Variants in TWIST2 observed in about 807,000 individuals in gnomAD.
TWIST2 encodes the protein twist-related protein 2.
Under a neutral mutation model 11.6 loss-of-function variants are expected in TWIST2, and 1 was observed. That is an observed-to-expected ratio of 0.09 (90% CI 0.03 to 0.41). TWIST2 has a LOEUF of 0.41. TWIST2 is among the 10% of genes least tolerant of loss of function. TWIST2 has a pLI of 0.98. For synonymous variants in TWIST2, 87 were observed against 96.6 expected (o/e 0.90, Z 0.58); for missense variants, 168 against 226.4 (o/e 0.74, Z 1.66).
chr2:238,870,158 C>CCA (rs1463394087), intron 1 of TWIST2, among the ~76,000 whole-genome samples: 21 of 96,362 alleles, frequency 2.2e-4, no homozygotes, highest in Non-Finnish European at 4.6e-4. Flanking sequence ...ACACCACACC[C>CCA]CACACACACC....
chr2:238,906,475 GAC>G (rs1286401876), intron 1 of TWIST2, among the ~76,000 whole-genome samples: 1 of 151,488 alleles, frequency 6.6e-6, no homozygotes, highest in Non-Finnish European at 1.5e-5. Context: ...CTCCCACAGG[GAC>G]ACACAGACCC....
In TWIST2 at chr2:238,867,411, A is replaced by ACACACACACT. The variant is rs751874652; in HGVS notation, c.*35+18679_*35+18680insACACACACTC. 1.6e-3 allele frequency among the ~76,000 whole-genome samples: 237 copies of ACACACACACT among 144,988 alleles called. No homozygotes were observed. Among genetic ancestry groups the ACACACACACT allele is most frequent in the South Asian group, 0.015 (69 of 4,514 alleles). On this transcript the variant is annotated intron_variant, in intron 1 of 1. Coordinates refer to ENST00000612363, the MANE Select transcript of TWIST2 (RefSeq NM_001271893.4). The surrounding 1 kb of genome is among the most constrained non-coding windows in gnomAD (Gnocchi z 4.8). ...CACACACACACACACACACACACAC[A>ACACACACACT]CTCCTCAGTAAAATACCCAGTTCTC...
rs1048623607 is a variant in TWIST2, at chr2:238,864,733, G to A, written c.*35+16000G>A. ...GCCCTGGGGTCCACCCTGCCGCGGG[G>A]TCCACTTGGTATAGGCACCCACCAG... On this transcript the variant is annotated intron_variant, in intron 1 of 1. Coordinates refer to ENST00000612363, the MANE Select transcript of TWIST2 (RefSeq NM_001271893.4). This position sits in a 1 kb window ranked among gnomAD's most constrained non-coding sequence, Gnocchi z 4.7. 6.6e-6 allele frequency among the ~76,000 whole-genome samples: 1 copy of A among 152,172 alleles called. No homozygotes were observed. The highest frequency in any genetic ancestry group is 1.5e-5 in the Non-Finnish European group (1 of 68,016).
At chr2:238,862,439 A>C (rs1268825558) in intron 1 of TWIST2, among the ~76,000 whole-genome samples, 1 of 152,242 alleles carries the variant, frequency 6.6e-6, no homozygotes, top group African/African-American at 2.4e-5. Context: ...GGAGAAATTC[A>C]GTTGGTCAAT....
chr2:238,905,936 T>TGTGCAC (rs1553572654), intron 1 of TWIST2, among the ~76,000 whole-genome samples: 68 of 112,356 alleles, frequency 6.1e-4, no homozygotes, highest in African/African-American at 2.4e-3. Context: ...CGTGTGCGCG[T>TGTGCAC]GTGTGTGCGC....
intron 1 of TWIST2, among the ~76,000 whole-genome samples, chr2:238,878,815 G>A (rs1692854131): frequency 6.6e-6 from 1 of 152,192 alleles, no homozygotes; most frequent in Non-Finnish European, 1.5e-5. Flanking sequence ...GGGGGTCCGT[G>A]CTTTCAGCTG....
At chr2:238,856,366 T>G (rs1176003486) in intron 1 of TWIST2, among the ~76,000 whole-genome samples, 3 of 152,216 alleles carry the variant, frequency 2.0e-5, no homozygotes, top group African/African-American at 7.2e-5. Flanking sequence ...GTTACTCACC[T>G]CTCTGCTCGT....
intron 1 of TWIST2, among the ~76,000 whole-genome samples, chr2:238,870,584 CA>C (rs1692661355): frequency 2.1e-5 from 2 of 97,144 alleles, no homozygotes; most frequent in African/African-American, 8.5e-5. Flanking sequence ...ACCACACACA[CA>C]CACCACACAC....
At chr2:238,877,122 A>G (rs548074011) in intron 1 of TWIST2, among the ~76,000 whole-genome samples, 1 of 152,208 alleles carries the variant, frequency 6.6e-6, no homozygotes, top group African/African-American at 2.4e-5. Flanking sequence ...GCTTGAGCCC[A>G]GGAGGTGGAG....
At chr2:238,897,306 T>C (rs1362103126) in intron 1 of TWIST2, among the ~76,000 whole-genome samples, 1 of 152,128 alleles carries the variant, frequency 6.6e-6, no homozygotes, top group Non-Finnish European at 1.5e-5. Flanking sequence ...TTTTCTGTCC[T>C]CCGCGCGCCC....
At chr2:238,873,763 T>G (rs974088603) in intron 1 of TWIST2, among the ~76,000 whole-genome samples, 1 of 152,054 alleles carries the variant, frequency 6.6e-6, no homozygotes, top group South Asian at 2.1e-4. Flanking sequence ...GCTTGATGAG[T>G]GGGCCTGAGG....
intron 1 of TWIST2, among the ~76,000 whole-genome samples, chr2:238,853,694 G>A (rs566142517): frequency 1.3e-5 from 2 of 152,260 alleles, no homozygotes; most frequent in Admixed American, 6.5e-5. Flanking sequence ...TCTCTTCAGC[G>A]ATTATTAATG....
At chr2:238,901,159 T>C (rs2106373061) in intron 1 of TWIST2, among the ~76,000 whole-genome samples, 1 of 152,068 alleles carries the variant, frequency 6.6e-6, no homozygotes, top group East Asian at 1.9e-4. Flanking sequence ...GTATTTTTAG[T>C]AGAGAGAGGG....
intron 1 of TWIST2, among the ~76,000 whole-genome samples, chr2:238,860,365 A>G (rs1378639162): frequency 6.6e-6 from 1 of 152,136 alleles, no homozygotes; most frequent in East Asian, 1.9e-4. Context: ...CTCCTCAGCC[A>G]CCTGTGTTTG....
intron 1 of TWIST2, among the ~76,000 whole-genome samples, chr2:238,891,828 A>AGAGACCCAG (rs1381131144): frequency 6.6e-6 from 1 of 152,076 alleles, no homozygotes; most frequent in Non-Finnish European, 1.5e-5. Context: ...GTTTGCTCCT[A>AGAGACCCAG]GAGACCCAGG....
chr2:238,883,336 A>G (rs1692971794), intron 1 of TWIST2, among the ~76,000 whole-genome samples: 2 of 152,178 alleles, frequency 1.3e-5, no homozygotes, highest in Non-Finnish European at 2.9e-5. Context: ...AGGGCTGCAG[A>G]TGGGCTCCGT....
chr2:238,854,233 C>T (rs1692291664), intron 1 of TWIST2, among the ~76,000 whole-genome samples: 1 of 152,158 alleles, frequency 6.6e-6, no homozygotes, highest in African/African-American at 2.4e-5. Context: ...TTTTAGTTCA[C>T]ATTCTGCCTT....
At chr2:238,900,023 A>G (rs1693250080) in intron 1 of TWIST2, among the ~76,000 whole-genome samples, 1 of 152,224 alleles carries the variant, frequency 6.6e-6, no homozygotes, top group Non-Finnish European at 1.5e-5. Flanking sequence ...TTCATCTTTA[A>G]ATTCTGGAAT....
chr2:238,895,077 C>G (rs1693191722), intron 1 of TWIST2, among the ~76,000 whole-genome samples: 1 of 152,222 alleles, frequency 6.6e-6, no homozygotes, highest in East Asian at 1.9e-4. Flanking sequence ...GCCCTTCTGT[C>G]CATATTTTCG....
Sources: gnomAD v4.1 joint callset for allele counts (sites outside exome capture counted in the v4.1 genomes callset) on GRCh38, gnomAD v4.1.1 for gene constraint, Gnocchi (gnomAD v3.1) non-coding constraint, MANE v1.5 for transcripts, NCBI Gene and HGNC (gene_info 2026-07-23, HGNC 2026-07-21) for gene names.